PPP1R12A: variants seen among roughly 807,000 people sequenced by gnomAD.
The protein encoded by PPP1R12A is protein phosphatase 1 regulatory subunit 12A.
A neutral mutation model predicts 139.6 loss-of-function variants in PPP1R12A; 19 were observed. The ratio of observed to expected loss-of-function variants is 0.14; its 90% CI spans 0.09 to 0.20. PPP1R12A has a LOEUF of 0.20. PPP1R12A is among the 10% of genes least tolerant of loss of function. The pLI, the probability that PPP1R12A is intolerant of heterozygous loss-of-function variation, is 1.00. For missense variants in PPP1R12A, 925 were observed against 1,211.5 expected, an observed-to-expected ratio of 0.76 and a Z score of 3.51; for synonymous variants, 427 against 420.6, an observed-to-expected ratio of 1.02 and a Z score of -0.19.
chr12:79,849,264 T>G (rs1034960001), intron 2 of PPP1R12A, among the ~76,000 whole-genome samples: 1 of 152,070 alleles, frequency 6.6e-6, no homozygotes, highest in Non-Finnish European at 1.5e-5. Flanking sequence ...GGTGCACACC[T>G]GTAATCCCAG....
At chr12:79,832,627 A>G in intron 3 of PPP1R12A, 136 bp from the exon 4 acceptor site, 1 of 880,562 alleles carries the variant, frequency 1.1e-6, no homozygotes, top group Non-Finnish European at 1.6e-6. Flanking sequence ...GCTGCTTATA[A>G]CAAGTTGGTT....
chr12:79,841,802 C>A (rs909376080), intron 3 of PPP1R12A, among the ~76,000 whole-genome samples: 1 of 152,158 alleles, frequency 6.6e-6, no homozygotes, highest in Non-Finnish European at 1.5e-5. Flanking sequence ...CTTTAGTTTA[C>A]TCAATTCTAG....
intron 22 of PPP1R12A, 51 bp from the exon 23 acceptor site, chr12:79,781,913 G>A: frequency 1.9e-6 from 2 of 1,072,024 alleles, no homozygotes; most frequent in South Asian, 1.5e-5. Context: ...AAAGTTCAGG[G>A]GTGACCACAG....
chr12:79,775,717 T>TAA lies in PPP1R12A; in HGVS notation c.*210_*211dup. The TAA allele has an allele frequency of 4.7e-5, 12 of 253,620 alleles. No individual in the cohort carries two copies. Among genetic ancestry groups the TAA allele is most frequent in the Middle Eastern group, 7.3e-4 (1 of 1,378 alleles). 15.7% of individuals were successfully genotyped at this position (253,620 alleles called of 1,614,324 possible). ...ATTAACATGAAACAATGGTCTTGAT[T>TAA]AAAAAAAAAAAACAAAAAACAAACC... On this transcript the variant is annotated 3_prime_UTR_variant, in exon 25 of 25. Transcript: ENST00000450142.
intron 1 of PPP1R12A, among the ~76,000 whole-genome samples, chr12:79,901,616 T>C (rs1401443859): frequency 6.6e-6 from 1 of 151,348 alleles, no homozygotes; most frequent in Non-Finnish European, 1.5e-5. Context: ...CCCAAAAAGA[T>C]GAAGAAGCAA....
chr12:79,791,412 C>G (rs978371707), intron 19 of PPP1R12A, among the ~76,000 whole-genome samples: 1 of 152,170 alleles, frequency 6.6e-6, no homozygotes, highest in Non-Finnish European at 1.5e-5. Context: ...ACTACAGCCT[C>G]GACCTCCTGG....
intron 5 of PPP1R12A, among the ~76,000 whole-genome samples, chr12:79,827,719 G>A (rs929638611): frequency 6.6e-5 from 10 of 152,002 alleles, no homozygotes; most frequent in Admixed American, 2.6e-4. Context: ...CTCCTTCTAC[G>A]TAATTGTGGT....
At chr12:79,799,139 CT>C (rs920138597) in intron 14 of PPP1R12A, among the ~76,000 whole-genome samples, 1 of 151,746 alleles carries the variant, frequency 6.6e-6, no homozygotes, top group African/African-American at 2.4e-5. Flanking sequence ...CTTTCTAAAT[CT>C]TTTTTTTGTT....
intron 1 of PPP1R12A, among the ~76,000 whole-genome samples, chr12:79,890,570 T>C (rs1025391324): frequency 2.0e-4 from 31 of 152,318 alleles, no homozygotes; most frequent in Admixed American, 2.6e-4. Context: ...AAAATAAGCA[T>C]ATGTAATATG....
chr12:79,878,741 G>A (rs1883354068), intron 1 of PPP1R12A, among the ~76,000 whole-genome samples: 1 of 152,066 alleles, frequency 6.6e-6, no homozygotes, highest in Non-Finnish European at 1.5e-5. Flanking sequence ...CAGATCTTGT[G>A]AGAACTCACT....
At chr12:79,864,890 C>A (rs1565785909) in intron 2 of PPP1R12A, among the ~76,000 whole-genome samples, 1 of 152,118 alleles carries the variant, frequency 6.6e-6, no homozygotes, top group Non-Finnish European at 1.5e-5. Flanking sequence ...ACCAGAGGTA[C>A]AAAGAAGAGC....
At position 79,805,669 on chromosome 12, in the gene PPP1R12A, A is replaced by G; in HGVS notation, c.1923T>C (p.Ala641=). ...TIPVAPTVVN[A]AASTTTLTTT... ...TAGTCAGGGTTGTGGTAGAAGCTGC[A>G]GCATTTACAACAGTTGGAGCAACAG... Residue 641 remains alanine (A), a synonymous_variant, in exon 14 of 25, where the codon GCT becomes GCC. Coordinates refer to ENST00000450142, the MANE Select transcript of PPP1R12A (RefSeq NM_002480.3). The G allele has an allele frequency of 6.2e-7, 1 of 1,613,836 alleles. No homozygotes were observed. The highest frequency in any genetic ancestry group is 8.5e-7 in the Non-Finnish European group (1 of 1,179,816).
At position 79,808,547 on chromosome 12, in the gene PPP1R12A, A is replaced by G. The variant is rs374630763; in HGVS notation, c.1486T>C (p.Tyr496His). 2 of 1,608,670 alleles carry G rather than the reference A, an allele frequency of 1.2e-6. No individual in the cohort carries two copies. Among genetic ancestry groups the G allele is most frequent in the Non-Finnish European group, 8.5e-7 (1 of 1,176,124 alleles). The change falls in exon 11 of 25, where the codon TAT (tyrosine) becomes CAT (histidine). Residue 496 changes from tyrosine to histidine, a missense_variant. Coordinates refer to ENST00000450142, the MANE Select transcript of PPP1R12A (RefSeq NM_002480.3). ...EKDSKGTRLA[Y>H]VAPTIPRRLA... Reference sequence around the variant, plus strand: ...CGTCTTGGTATTGTAGGTGCAACATATGCAAGCCTAGTTCCTTTACTATCT... The same window carrying G: ...CGTCTTGGTATTGTAGGTGCAACATGTGCAAGCCTAGTTCCTTTACTATCT...
intron 2 of PPP1R12A, among the ~76,000 whole-genome samples, chr12:79,859,354 G>GAAA (rs1160349807): frequency 2.7e-4 from 11 of 40,112 alleles, no homozygotes; most frequent in East Asian, 7.7e-4. Context: ...AAAAAAGAAA[G>GAAA]AAAAAAAAAA....
chr12:79,911,902 T>C (rs1307699441), intron 1 of PPP1R12A, among the ~76,000 whole-genome samples: 2 of 152,136 alleles, frequency 1.3e-5, no homozygotes, highest in African/African-American at 4.8e-5. Context: ...ACTAAAGCAA[T>C]TAAAACACTT....
intron 1 of PPP1R12A, among the ~76,000 whole-genome samples, chr12:79,881,512 G>A (rs1883634956): frequency 6.6e-6 from 1 of 152,212 alleles, no homozygotes; most frequent in African/African-American, 2.4e-5. Context: ...GAGAGGTGAG[G>A]AAGCTGGAGA....
At chr12:79,932,052 CTT>C (rs1275320924) in intron 1 of PPP1R12A, among the ~76,000 whole-genome samples, 2 of 152,102 alleles carry the variant, frequency 1.3e-5, no homozygotes, top group African/African-American at 4.8e-5. Context: ...AAACTTTTCT[CTT>C]GACAATGAAA....
intron 3 of PPP1R12A, among the ~76,000 whole-genome samples, chr12:79,840,849 T>G (rs902051582): frequency 6.6e-5 from 10 of 152,232 alleles, no homozygotes; most frequent in Admixed American, 6.5e-4. Flanking sequence ...TCCAATCAAA[T>G]TAATTTATTG....
In PPP1R12A at chr12:79,934,848, C is replaced by T. The variant is rs770900304; in HGVS notation, c.84G>A (p.Val28=). 3.7e-6 allele frequency: 6 copies of T among 1,611,866 alleles called. No homozygotes were observed. In the South Asian group the frequency reaches 4.4e-5, roughly 12 times the overall value. ...TCACCTTGGTCTTCTGGCGCTTCACCACCGGAGGCTCGAGGTCCGTCTCGG... is the reference window on the plus strand; with the variant it reads ...TCACCTTGGTCTTCTGGCGCTTCACTACCGGAGGCTCGAGGTCCGTCTCGG... The part of the protein sequence containing the change: ...IGSETDLEPP[V]VKRQKTKVKF... The change falls in exon 1 of 25, where the codon GTG becomes GTA. Residue 28 remains valine, a synonymous_variant. Transcript: ENST00000450142.
Sources: gnomAD v4.1 joint callset for allele counts (sites outside exome capture counted in the v4.1 genomes callset) on GRCh38, gnomAD v4.1.1 for gene constraint, MANE v1.5 for transcripts, NCBI Gene and HGNC (gene_info 2026-07-23, HGNC 2026-07-21) for gene names.